The following SPG21 variants were observed in gnomAD, a reference collection of about 807,000 sequenced individuals.
SPG21 encodes SPG21 abhydrolase domain containing, maspardin, also known as maspardin.
A neutral mutation model predicts 38.9 loss-of-function variants in SPG21; 26 were observed. The observed-to-expected ratio is 0.67, with a 90% CI of 0.49 to 0.93. SPG21 has a LOEUF of 0.93. Ranked by LOEUF, SPG21 falls within the 40% of genes least tolerant of loss-of-function variation. SPG21 has a pLI of 0.00. For synonymous variants in SPG21, 136 were observed against 128.9 expected (o/e 1.05, Z -0.37); for missense variants, 333 against 376.5 (o/e 0.88, Z 0.96).
chr15:64,986,720 A>AAC (rs1442817115), intron 1 of SPG21, among the ~76,000 whole-genome samples: 22 of 150,160 alleles, frequency 1.5e-4, no homozygotes, highest in African/African-American at 2.7e-4. Flanking sequence ...CAAAAAACAA[A>AAC]AAAACAAAAA....
intron 2 of SPG21, 187 bp from the exon 3 acceptor site, chr15:64,981,212 C>T (rs529874539): frequency 4.1e-5 from 26 of 639,048 alleles, no homozygotes; most frequent in East Asian, 5.6e-5. Flanking sequence ...TCAGGGCTAA[C>T]GTATTCCACA....
At chr15:64,976,853 G>C (rs1322514209) in intron 3 of SPG21, among the ~76,000 whole-genome samples, 3 of 152,150 alleles carry the variant, frequency 2.0e-5, no homozygotes, top group Non-Finnish European at 4.4e-5. Context: ...GGGGTTCAAG[G>C]ATGAATACAG....
intron 5 of SPG21, among the ~76,000 whole-genome samples, 181 bp downstream of exon 5, chr15:64,974,421 G>A (rs1269164531): frequency 1.3e-5 from 2 of 152,102 alleles, no homozygotes; most frequent in Non-Finnish European, 2.9e-5. Flanking sequence ...GCTGCAGTAA[G>A]CTGTGATTGC....
chr15:64,963,600 C>G lies in SPG21; in HGVS notation c.*20G>C, dbSNP rs750154016. On this transcript the variant is annotated 3_prime_UTR_variant, in exon 9 of 9. Coordinates refer to ENST00000204566, the MANE Select transcript of SPG21 (RefSeq NM_016630.7). ...ACAAGAACACACCGGGTCAACTCATCATTGACAGCGAGAGACACACTACTG... is the reference window on the plus strand; with the variant it reads ...ACAAGAACACACCGGGTCAACTCATGATTGACAGCGAGAGACACACTACTG... The G allele has an allele frequency of 1.2e-5, 19 of 1,584,218 alleles. No individual in the cohort carries two copies. In the East Asian group the frequency reaches 1.3e-4, roughly 11 times the overall value.
At chr15:64,979,810 T>C (rs1392475590) in intron 3 of SPG21, among the ~76,000 whole-genome samples, 1 of 132,396 alleles carries the variant, frequency 7.6e-6, no homozygotes, top group Non-Finnish European at 1.5e-5. Context: ...CCTGGAAAAT[T>C]AGGAGACCAA....
chr15:64,972,938 A>T (rs2085699931), intron 5 of SPG21, among the ~76,000 whole-genome samples: 1 of 152,224 alleles, frequency 6.6e-6, no homozygotes, highest in South Asian at 2.1e-4. Context: ...ATTATTTGAA[A>T]ACACTGATCA....
intron 5 of SPG21, among the ~76,000 whole-genome samples, chr15:64,973,696 G>A (rs939560203): frequency 1.3e-5 from 2 of 152,104 alleles, no homozygotes; most frequent in Admixed American, 6.5e-5. Context: ...TGATCCGGCC[G>A]CCTCGGCCTC....
At position 64,964,378 on chromosome 15, in the gene SPG21, C is replaced by T. The variant is rs148615309; in HGVS notation, c.811-642G>A. On this transcript the variant is annotated intron_variant, in intron 8 of 8. Transcript: ENST00000204566. ...CAATCTTCTGCTACTGTGACTAGTG[C>T]TGCTATGATGAATATCTCTGGGCAT... Among the ~76,000 whole-genome samples the T allele has an allele frequency of 5.7e-3, 870 of 152,210 alleles. 47 individuals are homozygous for T. The South Asian group carries it at 0.12, about 22-fold the overall frequency.
At chr15:64,978,397 G>A (rs1056960143) in intron 3 of SPG21, among the ~76,000 whole-genome samples, 32 of 151,828 alleles carry the variant, frequency 2.1e-4, no homozygotes, top group Non-Finnish European at 8.8e-5. Flanking sequence ...TGCATGAGCC[G>A]AGATCATACT....
chr15:64,989,814 T>C lies in SPG21; in HGVS notation c.-174A>G, dbSNP rs886051331. ...CGGGCACAGCAGGCTGCGCGGTGCGTGCGGGAGGCCGGCCTCTGAGGGGGC... is the reference window on the plus strand; with the variant it reads ...CGGGCACAGCAGGCTGCGCGGTGCGCGCGGGAGGCCGGCCTCTGAGGGGGC... On this transcript the variant is annotated 5_prime_UTR_variant, in exon 1 of 9. Transcript: ENST00000204566. The C allele has an allele frequency of 1.3e-5, 2 of 150,890 alleles. No homozygotes were observed. Among genetic ancestry groups the C allele is most frequent in the Non-Finnish European group, 2.9e-5 (2 of 68,016 alleles). The allele number at this position is 150,890 out of a possible 1,614,324, so 9.3% of individuals were successfully genotyped here.
Position 64,983,560 on chromosome 15 carries a change from T to C in SPG21, c.10A>G (p.Ile4Val), listed in dbSNP as rs765734978. The C allele has an allele frequency of 3.2e-6, 5 of 1,575,002 alleles. No homozygotes were observed. The Admixed American group carries it at 7.2e-5, about 23-fold the overall frequency. Residue 4 changes from isoleucine to valine, a missense_variant, in exon 2 of 9, where the codon ATT (isoleucine) becomes GTT (valine). Coordinates refer to ENST00000204566, the MANE Select transcript of SPG21 (RefSeq NM_016630.7). ...CAGTTATAATCAGGAGAGACTTTAA[T>C]CTCTCCCATGATTAGCTGAAATGGA... is the stretch of plus-strand genomic sequence containing the variant. Reference protein sequence around the residue: MGEIKVSPDYNWFR... With the variant: MGEVKVSPDYNWFR...
chr15:64,963,274 AAAG>A lies in SPG21; in HGVS notation c.*343_*345del, dbSNP rs1216809043. 1 of 226,318 alleles carries A rather than the reference AAAG, an allele frequency of 4.4e-6. No individual in the cohort carries two copies. Among genetic ancestry groups the A allele is most frequent in the African/African-American group, 2.3e-5 (1 of 43,556 alleles). 14.0% of individuals were successfully genotyped at this position (226,318 alleles called of 1,614,324 possible). ...AAGAAAGAAAGAAGAATGGAAAAGA[AAAG>A]AAGAAAAAAACCACCACAAAGTCCC... On this transcript the variant is annotated 3_prime_UTR_variant, in exon 9 of 9. Coordinates refer to ENST00000204566, the MANE Select transcript of SPG21 (RefSeq NM_016630.7).
chr15:64,978,408 A>G (rs1214774150), intron 3 of SPG21, among the ~76,000 whole-genome samples: 3 of 152,018 alleles, frequency 2.0e-5, no homozygotes, highest in Admixed American at 2.0e-4. Context: ...AGATCATACT[A>G]CTGCACTCTA....
At chr15:64,974,844 T>C (rs2085744956) in intron 4 of SPG21, 97 bp from the exon 5 acceptor site, 4 of 1,362,310 alleles carry the variant, frequency 2.9e-6, no homozygotes, top group Non-Finnish European at 4.2e-6. Flanking sequence ...CCACAGAATA[T>C]GTTATCACTA....
At chr15:64,976,879 T>G (rs192091828) in intron 3 of SPG21, among the ~76,000 whole-genome samples, 12 of 152,342 alleles carry the variant, frequency 7.9e-5, no homozygotes, top group Non-Finnish European at 1.0e-4. Context: ...CCCATTCCAG[T>G]AAAGAAATAC....
intron 7 of SPG21, among the ~76,000 whole-genome samples, chr15:64,965,808 T>C (rs901988872): frequency 1.3e-5 from 2 of 151,926 alleles, no homozygotes; most frequent in African/African-American, 4.8e-5. Flanking sequence ...CTCAAGTGAT[T>C]CTCCTGCCTC....
chr15:64,983,359 A>G lies in SPG21; in HGVS notation c.63+148T>C, dbSNP rs2085921383. On this transcript the variant is annotated intron_variant, in intron 2 of 8. Transcript: ENST00000204566. ...CAAAAGTTGACTGTACATGACAGGG[A>G]AGGAGTGAACTTAATCCTCTGCAAC... 3 of 626,310 alleles carry G rather than the reference A, an allele frequency of 4.8e-6. No individual in the cohort carries two copies. The African/African-American group carries it at 5.5e-5, about 11-fold the overall frequency. 38.8% of individuals were successfully genotyped at this position (626,310 alleles called of 1,614,324 possible). A position where few individuals can be genotyped will look rare whatever the true frequency, so the allele number is the denominator to read the frequency against.
In SPG21 at chr15:64,963,420, G is replaced by A. The variant is rs2085485629; in HGVS notation, c.*200C>T. 3 of 555,152 alleles carry A rather than the reference G, an allele frequency of 5.4e-6. No individual in the cohort carries two copies. The highest frequency in any genetic ancestry group is 4.9e-4 in the Middle Eastern group (1 of 2,058). The allele number at this position is 555,152 out of a possible 1,614,324, so 34.4% of individuals were successfully genotyped here. On this transcript the variant is annotated 3_prime_UTR_variant, in exon 9 of 9. Transcript: ENST00000204566. The stretch of plus-strand genomic sequence containing the variant: ...GTACTTCTTCAAATTCAAAAGCTAA[G>A]AAAACCAAAGAGGGAACAGTTACAC...
At chr15:64,980,832 C>T (rs1473873087) in intron 3 of SPG21, 32 bp downstream of exon 3, 3 of 1,600,974 alleles carry the variant, frequency 1.9e-6, no homozygotes, top group South Asian at 1.1e-5. Context: ...ACACACAAAA[C>T]GTGGGTCTGA....
Sources: allele counts gnomAD v4.1 joint callset (sites outside exome capture counted in the v4.1 genomes callset), GRCh38; gene constraint gnomAD v4.1.1; transcripts MANE v1.5; gene names NCBI Gene and HGNC (gene_info 2026-07-23, HGNC 2026-07-21).